The following NEK5 variants were observed in gnomAD, a reference collection of about 807,000 sequenced individuals.
NEK5 encodes serine/threonine-protein kinase Nek5.
A neutral mutation model predicts 109.2 loss-of-function variants in NEK5; 88 were observed. The ratio of observed to expected loss-of-function variants is 0.81; its 90% CI spans 0.68 to 0.96. NEK5 has a LOEUF of 0.96. NEK5 is among the 40% of genes least tolerant of loss of function. The pLI, the probability that NEK5 is intolerant of heterozygous loss-of-function variation, is 0.00. For synonymous variants in NEK5, 283 were observed against 299.9 expected, an observed-to-expected ratio of 0.94 and a Z score of 0.58; for missense variants, 834 against 920.7, an observed-to-expected ratio of 0.91 and a Z score of 1.22.
chr13:52,095,392 TA>T (rs1955385476), intron 12 of NEK5, among the ~76,000 whole-genome samples: 1 of 152,238 alleles, frequency 6.6e-6, no homozygotes, highest in Non-Finnish European at 1.5e-5. Flanking sequence ...AAATGTTCTC[TA>T]ACATCCCAAC....
chr13:52,038,015 G>T (rs193281488), intron 23 of NEK5, among the ~76,000 whole-genome samples: 1 of 152,220 alleles, frequency 6.6e-6, no homozygotes, highest in East Asian at 1.9e-4. Context: ...GGTATTTTTA[G>T]AAAGGAAAGG....
At chr13:52,089,681 T>C (rs899560493) in intron 13 of NEK5, among the ~76,000 whole-genome samples, 10 of 152,056 alleles carry the variant, frequency 6.6e-5, no homozygotes, top group African/African-American at 2.4e-4. Flanking sequence ...AATGTACAGG[T>C]TGTCGCTCCT....
chr13:52,066,719 G>A (rs545504027), intron 20 of NEK5, among the ~76,000 whole-genome samples: 112 of 151,398 alleles, frequency 7.4e-4, no homozygotes, highest in African/African-American at 2.7e-3. Context: ...CAGGAGAATC[G>A]CTTGAACCCA....
intron 13 of NEK5, among the ~76,000 whole-genome samples, chr13:52,090,025 C>A (rs1046079542): frequency 6.6e-6 from 1 of 152,082 alleles, no homozygotes; most frequent in South Asian, 2.1e-4. Context: ...GTTTCCTGCA[C>A]CACATACTGA....
chr13:52,065,093 G>A (rs2137760844), intron 21 of NEK5: 1 of 244,924 alleles, frequency 4.1e-6, no homozygotes, highest in Non-Finnish European at 8.1e-6. Flanking sequence ...ATCCCCCTCT[G>A]CGAGAAACAC....
intron 19 of NEK5, among the ~76,000 whole-genome samples, chr13:52,073,379 G>C (rs1372108657): frequency 6.6e-6 from 1 of 150,414 alleles, no homozygotes; most frequent in Non-Finnish European, 1.5e-5. Context: ...GCAGTACAGT[G>C]ATCTCAGCTC....
chr13:52,071,061 T>C (rs1197899927), intron 20 of NEK5, among the ~76,000 whole-genome samples: 2 of 152,128 alleles, frequency 1.3e-5, no homozygotes, highest in African/African-American at 4.8e-5. Context: ...TACACCACAC[T>C]ACTGAGAGAT....
chr13:52,084,575 G>C (rs1955079829), intron 16 of NEK5, among the ~76,000 whole-genome samples: 1 of 152,066 alleles, frequency 6.6e-6, no homozygotes, highest in Non-Finnish European at 1.5e-5. Flanking sequence ...GTCTTGCTCT[G>C]TATCCCAGGC....
chr13:52,050,049 G>A (rs897723988), intron 23 of NEK5, 55 bp downstream of exon 23: 1 of 615,818 alleles, frequency 1.6e-6, no homozygotes, highest in Non-Finnish European at 2.0e-6. Context: ...CTCAACTGCA[G>A]CATTTTCACT....
chr13:52,110,250 A>C (rs1216351834), intron 7 of NEK5, 90 bp downstream of exon 7: 6 of 850,466 alleles, frequency 7.1e-6, no homozygotes, highest in Non-Finnish European at 1.9e-6. Context: ...TAGACAACCA[A>C]GATTTTAATA....
intron 23 of NEK5, among the ~76,000 whole-genome samples, chr13:52,040,425 C>CT (rs1245473885): frequency 6.6e-6 from 1 of 152,030 alleles, no homozygotes; most frequent in Non-Finnish European, 1.5e-5. Flanking sequence ...GCCTCTAGAA[C>CT]TAGAAGAAGT....
At chr13:52,087,634 T>A (rs897427586) in intron 14 of NEK5, among the ~76,000 whole-genome samples, 180 bp from the exon 15 acceptor site, 7 of 152,124 alleles carry the variant, frequency 4.6e-5, no homozygotes, top group Admixed American at 1.3e-4. Flanking sequence ...AAATATATAT[T>A]TTTTTCTGTT....
rs1358952572 is a variant in NEK5, at chr13:52,045,155, G to A, written c.2228+4949C>T. Among the ~76,000 whole-genome samples, 6 of 117,584 alleles carry A rather than the reference G, an allele frequency of 5.1e-5. No homozygotes were observed. In the Admixed American group the frequency reaches 5.4e-4, roughly 11 times the overall value. The allele number at this position is 117,584 out of a possible 152,430, so 77.1% of individuals were successfully genotyped here. A position where few individuals can be genotyped will look rare whatever the true frequency, so the allele number is the denominator to read the frequency against. On this transcript the variant is annotated intron_variant, in intron 23 of 23. Transcript: ENST00000684899. ...CTTTTTTTTTTTTTTTTTTTGAGAC[G>A]GAGTCTCTCTGTCGCCCAGGCTGGA... is the stretch of plus-strand genomic sequence containing the variant.
intron 23 of NEK5, among the ~76,000 whole-genome samples, chr13:52,048,223 T>C (rs889192214): frequency 1.3e-5 from 2 of 152,180 alleles, no homozygotes; most frequent in African/African-American, 4.8e-5. Context: ...ACTTCATATG[T>C]ATTGAAACAT....
intron 19 of NEK5, among the ~76,000 whole-genome samples, 171 bp from the exon 20 acceptor site, chr13:52,072,241 T>C (rs1954796509): frequency 6.6e-6 from 1 of 152,230 alleles, no homozygotes; most frequent in South Asian, 2.1e-4. Context: ...CTATGTTAGA[T>C]AAAAACAGAA....
At chr13:52,111,461 T>A (rs1955756864) in intron 5 of NEK5, among the ~76,000 whole-genome samples, 1 of 152,334 alleles carries the variant, frequency 6.6e-6, no homozygotes, top group African/African-American at 2.4e-5. Flanking sequence ...GAATGCTTGA[T>A]TAATCTTACA....
intron 4 of NEK5, among the ~76,000 whole-genome samples, chr13:52,113,636 T>C (rs1308822506): frequency 6.6e-6 from 1 of 152,102 alleles, no homozygotes; most frequent in African/African-American, 2.4e-5. Flanking sequence ...TTTTTTTCTT[T>C]TTTTTTTTCC....
At position 52,102,182 on chromosome 13, in the gene NEK5, A is replaced by G; in HGVS notation, c.720T>C (p.Phe240=). 5.6e-6 allele frequency: 9 copies of G among 1,613,892 alleles called. No individual in the cohort carries two copies. Among genetic ancestry groups the G allele is most frequent in the Non-Finnish European group, 7.6e-6 (9 of 1,179,782 alleles). Residue 240 remains phenylalanine, a synonymous_variant, in exon 10 of 24, where the codon TTT becomes TTC. Transcript: ENST00000684899. ...ATGGTCGGTCTCGAGGAGATACTTG[A>G]AAGAGCTGAGATATCAAGGAATGGA... The part of the protein sequence containing the change: ...RELHSLISQL[F]QVSPRDRPSI...
chr13:52,046,714 G>A (rs1566727262), intron 23 of NEK5, among the ~76,000 whole-genome samples: 1 of 151,052 alleles, frequency 6.6e-6, no homozygotes, highest in Non-Finnish European at 1.5e-5. Context: ...CTGGGTGATA[G>A]ACGGACACCC....
Sources: allele counts gnomAD v4.1 joint callset (sites outside exome capture counted in the v4.1 genomes callset), GRCh38; gene constraint gnomAD v4.1.1; transcripts MANE v1.5; gene names NCBI Gene and HGNC (gene_info 2026-07-23, HGNC 2026-07-21).